MDGA2: variants seen among roughly 807,000 people sequenced by gnomAD.
The protein encoded by MDGA2 is MAM domain-containing glycosylphosphatidylinositol anchor protein 2.
MDGA2 carries 40 observed loss-of-function variants against 117.8 expected under a neutral mutation model. The observed-to-expected ratio is 0.34, with a 90% CI of 0.26 to 0.44. MDGA2 has a LOEUF of 0.44. MDGA2 is among the 20% of genes least tolerant of loss of function. The pLI, the probability that MDGA2 is intolerant of heterozygous loss-of-function variation, is 1.00. For missense variants in MDGA2, 1,123 were observed against 1,250.6 expected (o/e 0.90, Z 1.54); for synonymous variants, 452 against 439.0 (o/e 1.03, Z -0.37).
At chr14:47,548,209 C>A (rs959567185) in intron 1 of MDGA2, among the ~76,000 whole-genome samples, 1 of 152,054 alleles carries the variant, frequency 6.6e-6, no homozygotes, top group African/African-American at 2.4e-5. Flanking sequence ...ACATAGTTTC[C>A]TTTAGTTTGG....
intron 7 of MDGA2, among the ~76,000 whole-genome samples, chr14:47,060,357 A>T (rs185655051): frequency 2.0e-5 from 3 of 152,230 alleles, no homozygotes; most frequent in African/African-American, 7.2e-5. Context: ...TTATAGGTGA[A>T]TACTTCAAAG....
At chr14:46,940,886 G>T (rs532621631) in intron 9 of MDGA2, among the ~76,000 whole-genome samples, 1 of 152,282 alleles carries the variant, frequency 6.6e-6, no homozygotes, top group South Asian at 2.1e-4. Context: ...GGAGCAAGAG[G>T]TGTTCAAGTG....
At chr14:47,158,755 A>G (rs974789442) in intron 3 of MDGA2, among the ~76,000 whole-genome samples, 1 of 152,160 alleles carries the variant, frequency 6.6e-6, no homozygotes, top group Non-Finnish European at 1.5e-5. Context: ...CCCAGCTAGC[A>G]GCTTTATTTC....
chr14:46,949,293 T>C (rs1048324255), intron 9 of MDGA2, among the ~76,000 whole-genome samples: 1 of 152,168 alleles, frequency 6.6e-6, no homozygotes, highest in African/African-American at 2.4e-5. Flanking sequence ...AAGAGTTCCA[T>C]GTGGACTAGA....
intron 14 of MDGA2, among the ~76,000 whole-genome samples, chr14:46,872,886 C>A (rs1882067513): frequency 6.6e-6 from 1 of 151,834 alleles, no homozygotes; most frequent in Admixed American, 6.6e-5. Flanking sequence ...TCCTCTATTA[C>A]TGTACAAGGT....
At chr14:47,350,290 T>A (rs1013653652) in intron 1 of MDGA2, among the ~76,000 whole-genome samples, 1 of 152,174 alleles carries the variant, frequency 6.6e-6, no homozygotes, top group African/African-American at 2.4e-5. Flanking sequence ...GAGTTCTATA[T>A]GCTGCTCTCA....
At chr14:47,385,721 T>C (rs1238310302) in intron 1 of MDGA2, among the ~76,000 whole-genome samples, 1 of 152,126 alleles carries the variant, frequency 6.6e-6, no homozygotes, top group Non-Finnish European at 1.5e-5. Context: ...AGTCACACAT[T>C]TGCTCTCTTT....
chr14:47,402,029 G>A lies in MDGA2; in HGVS notation c.281-100479C>T, dbSNP rs543952062. Among the ~76,000 whole-genome samples, 136 of 152,286 alleles carry A rather than the reference G, an allele frequency of 8.9e-4. 1 individual carries two copies. Among genetic ancestry groups the A allele is most frequent in the Admixed American group, 2.9e-3 (45 of 15,302 alleles). ...TTTGTGGTCAAAAGTTAGCACAAGC[G>A]TGTAGTTTATTGGTGTCTATCTTAT... On this transcript the variant is annotated intron_variant, in intron 1 of 16. Coordinates refer to ENST00000399232, the MANE Select transcript of MDGA2 (RefSeq NM_001113498.3).
At chr14:47,276,627 A>G (rs1888319865) in intron 2 of MDGA2, among the ~76,000 whole-genome samples, 1 of 152,184 alleles carries the variant, frequency 6.6e-6, no homozygotes, top group Non-Finnish European at 1.5e-5. Context: ...ATTCCAATTA[A>G]AAAAGACACT....
At chr14:46,938,221 G>A (rs1884853561) in intron 9 of MDGA2, among the ~76,000 whole-genome samples, 1 of 151,764 alleles carries the variant, frequency 6.6e-6, no homozygotes, top group Admixed American at 6.6e-5. Flanking sequence ...TAATCATCAG[G>A]GAAATGCAAA....
intron 1 of MDGA2, among the ~76,000 whole-genome samples, chr14:47,461,583 C>T (rs1353322794): frequency 1.3e-5 from 2 of 151,954 alleles, no homozygotes; most frequent in Non-Finnish European, 2.9e-5. Context: ...TTTACAGGCT[C>T]TGTGCTCAGC....
rs145320653 is a variant in MDGA2, at chr14:47,424,489, T to C, written c.281-122939A>G. Among the ~76,000 whole-genome samples, 167 of 152,184 alleles carry C rather than the reference T, an allele frequency of 1.1e-3. 1 individual carries two copies. The highest frequency in any genetic ancestry group is 3.5e-3 in the African/African-American group (145 of 41,548). ...CTGAATTCAGCACTCTTTGTAATAC[T>C]CCACCAACATCTTCTCATGTGTGTC... On this transcript the variant is annotated intron_variant, in intron 1 of 16. Transcript: ENST00000399232.
At chr14:47,354,160 G>A (rs1337550231) in intron 1 of MDGA2, among the ~76,000 whole-genome samples, 1 of 152,062 alleles carries the variant, frequency 6.6e-6, no homozygotes, top group Non-Finnish European at 1.5e-5. Flanking sequence ...TTTCCTCACA[G>A]GCCATTTATG....
chr14:47,203,267 G>T (rs1239802481), intron 3 of MDGA2, among the ~76,000 whole-genome samples: 1 of 151,916 alleles, frequency 6.6e-6, no homozygotes, highest in Non-Finnish European at 1.5e-5. Context: ...AAAGCTGGGA[G>T]TTCAGGAGGG....
At chr14:47,603,847 C>T (rs892123211) in intron 1 of MDGA2, among the ~76,000 whole-genome samples, 27 of 152,280 alleles carry the variant, frequency 1.8e-4, no homozygotes, top group Admixed American at 1.5e-3. Context: ...GTAACGAGTG[C>T]TTTCTATTTG....
intron 1 of MDGA2, among the ~76,000 whole-genome samples, chr14:47,559,659 G>A (rs566654304): frequency 2.0e-5 from 3 of 148,566 alleles, no homozygotes; most frequent in East Asian, 4.0e-4. Flanking sequence ...TGCAACCCCC[G>A]CCTCCCGGGT....
chr14:47,234,432 AT>A (rs1886794304), intron 2 of MDGA2, among the ~76,000 whole-genome samples: 1 of 152,090 alleles, frequency 6.6e-6, no homozygotes, highest in African/African-American at 2.4e-5. Context: ...CACATACTGT[AT>A]TCCTTAAGTA....
intron 9 of MDGA2, among the ~76,000 whole-genome samples, chr14:46,934,401 C>A (rs1884703421): frequency 6.6e-6 from 1 of 152,218 alleles, no homozygotes; most frequent in South Asian, 2.1e-4. Flanking sequence ...AAAGAACTTT[C>A]ACAAATATTA....
intron 1 of MDGA2, among the ~76,000 whole-genome samples, chr14:47,414,723 T>A (rs1212555094): frequency 1.3e-5 from 2 of 152,142 alleles, no homozygotes; most frequent in Non-Finnish European, 2.9e-5. Context: ...ATATCACTAC[T>A]ATGTTGAACA....
Sources: gnomAD v4.1 joint callset for allele counts (sites outside exome capture counted in the v4.1 genomes callset) on GRCh38, gnomAD v4.1.1 for gene constraint, MANE v1.5 for transcripts, NCBI Gene and HGNC (gene_info 2026-07-23, HGNC 2026-07-21) for gene names.